Variants in SETD1B observed in about 807,000 individuals in gnomAD.
SETD1B encodes SET domain containing 1B, histone lysine methyltransferase.
A neutral mutation model predicts 148.0 loss-of-function variants in SETD1B; 7 were observed. The ratio of observed to expected loss-of-function variants is 0.05; its 90% confidence interval spans 0.03 to 0.09. SETD1B has a LOEUF of 0.09. SETD1B is among the 10% of genes least tolerant of loss of function. The probability of loss-of-function intolerance (pLI) is 1.00; values close to 1 mark genes in which losing one functional copy is unlikely to be tolerated. For synonymous variants in SETD1B, 1,361 were observed against 1,186.5 expected (o/e 1.15, Z -3.02); for missense variants, 2,155 against 2,729.9 (o/e 0.79, Z 4.69).
chr12:121,801,643 CAT>C (rs988438904), upstream of SETD1B: 4 of 152,582 alleles, frequency 2.6e-5, no homozygotes, highest in South Asian at 2.1e-4. Context: ...ATTGTAAAAA[CAT>C]ATATATTTTT....
Position 121,817,873 on chromosome 12 carries a change from G to T in SETD1B, c.3387G>T (p.Ala1129=). 1 of 1,550,744 alleles carries T rather than the reference G, an allele frequency of 6.4e-7. No individual in the cohort carries two copies. Among genetic ancestry groups the T allele is most frequent in the Non-Finnish European group, 8.7e-7 (1 of 1,146,558 alleles). The part of the protein sequence containing the change: ...NDDEDTALSE[A]SEKDEGDSDE... ...ACGAGGACACAGCCCTGTCAGAGGCGAGTGAGAAGGACGAAGGGGACTCGG... is the reference window on the plus strand; with the variant it reads ...ACGAGGACACAGCCCTGTCAGAGGCTAGTGAGAAGGACGAAGGGGACTCGG... Residue 1129 remains alanine, a synonymous_variant, in exon 10 of 17, where the codon GCG becomes GCT. Transcript: ENST00000604567. This position sits in a 1 kb window ranked among gnomAD's most constrained non-coding sequence, Gnocchi z 8.1.
chr12:121,810,525 A>G lies in SETD1B; in HGVS notation c.1580A>G (p.Gln527Arg), dbSNP rs1230358376. The change falls in exon 6 of 17, where the codon CAG becomes CGG. Residue 527 changes from glutamine (Q) to arginine (R), a missense_variant. Around this residue, in one of 11 missense-constraint regions of SETD1B, gnomAD observed 295 missense variants for 303.8 expected, o/e 0.97. Coordinates refer to ENST00000604567, the MANE Select transcript of SETD1B (RefSeq NM_001353345.2). This position sits in a 1 kb window ranked among gnomAD's most constrained non-coding sequence, Gnocchi z 7.6. ...GAGCCGGACTCGGACACCGAGCTGC[A>G]GATGGAGGGCAGCCCCATCTCCTCC... ...LREPDSDTEL[Q>R]MEGSPISSSS... 17 of 1,546,320 alleles carry G rather than the reference A, an allele frequency of 1.1e-5. No homozygotes were observed. The highest frequency in any genetic ancestry group is 1.4e-5 in the Non-Finnish European group (16 of 1,146,980).
In SETD1B at chr12:121,823,578, C is replaced by T; in HGVS notation, c.4999C>T (p.Pro1667Ser). 6.4e-7 allele frequency: 1 copy of T among 1,551,448 alleles called. No individual in the cohort carries two copies. The highest frequency in any genetic ancestry group is 8.7e-7 in the Non-Finnish European group (1 of 1,146,964). The stretch of plus-strand genomic sequence containing the variant: ...CTCGCCCGAACTCTCGCCACCCCAG[C>T]CCCTCTTCCGGCCCCGCTCGGAGTT... ...AGSPELSPPQ[P>S]LFRPRSEFEE... The change falls in exon 12 of 17, where the codon CCC (proline) becomes TCC (serine). Residue 1667 changes from proline to serine, a missense_variant. Transcript: ENST00000604567.
In SETD1B at chr12:121,809,928, A is replaced by G. The variant is rs1171824082; in HGVS notation, c.983A>G (p.His328Arg). Residue 328 changes from histidine (H) to arginine (R), a missense_variant, in exon 6 of 17, where the codon CAT becomes CGT. By Grantham distance (29) the His-to-Arg change is conservative. This residue lies in a region of SETD1B where 376 missense variants were observed against 385.0 expected (regional missense o/e 0.98). Transcript: ENST00000604567. ...GCCTACAACCGCCGCCACGAACATC[A>G]TTATGTACACAATTCTCCCGCGGTC... is the stretch of plus-strand genomic sequence containing the variant. ...TDAYNRRHEH[H>R]YVHNSPAVTA... The G allele has an allele frequency of 6.4e-7, 1 of 1,551,078 alleles. No homozygotes were observed. The highest frequency in any genetic ancestry group is 8.7e-7 in the Non-Finnish European group (1 of 1,146,952).
chr12:121,826,109 C>T (rs1024756358), intron 13 of SETD1B, among the ~76,000 whole-genome samples: 2 of 152,080 alleles, frequency 1.3e-5, no homozygotes, highest in African/African-American at 2.4e-5. Context: ...CGGGGTCTCA[C>T]TCTGTAGCCC....
intron 11 of SETD1B, among the ~76,000 whole-genome samples, chr12:121,820,734 C>T (rs957523490): frequency 6.6e-6 from 1 of 152,140 alleles, no homozygotes; most frequent in East Asian, 1.9e-4. Context: ...GGGGTTTCTC[C>T]GCGTTAGCCA....
intron 11 of SETD1B, 24 bp downstream of exon 11, chr12:121,819,919 G>C: frequency 6.5e-7 from 1 of 1,538,602 alleles, no homozygotes; most frequent in Non-Finnish European, 8.8e-7. Context: ...CCCCCTGGGA[G>C]GGTGGTGGGA....
At chr12:121,828,498 G>A (rs764434329) in intron 16 of SETD1B, among the ~76,000 whole-genome samples, 7 of 152,250 alleles carry the variant, frequency 4.6e-5, no homozygotes, top group Non-Finnish European at 8.8e-5. Flanking sequence ...GTGGTGGTGA[G>A]CACTGGAAAT....
At position 121,828,101 on chromosome 12, in the gene SETD1B, C is replaced by T. The variant is rs775163692; in HGVS notation, c.5727+31C>T. 15 of 1,548,278 alleles carry T rather than the reference C, an allele frequency of 9.7e-6. No homozygotes were observed. In the Admixed American group the frequency reaches 1.8e-4, roughly 18 times the overall value. ...TGCCCAGCGGGGGGTGGCCCCTGCC[C>T]CTGCTCCTGCCCCTGGCCCTGCTTC... is the stretch of plus-strand genomic sequence containing the variant. On this transcript the variant is annotated intron_variant, in intron 16 of 16. Transcript: ENST00000604567.
chr12:121,795,099 C>T, the SETD1B span, among the ~76,000 whole-genome samples: 1 of 152,170 alleles, frequency 6.6e-6, no homozygotes, highest in Non-Finnish European at 1.5e-5. Flanking sequence ...GGTCTGACCA[C>T]CAGAGGGCAG....
Position 121,822,571 on chromosome 12 carries a change from C to A in SETD1B, c.3992C>A (p.Pro1331His). 6.4e-7 allele frequency: 1 copy of A among 1,551,432 alleles called. No individual in the cohort carries two copies. The highest frequency in any genetic ancestry group is 8.7e-7 in the Non-Finnish European group (1 of 1,146,850). ...LQPPLPPPRP[P>H]RPPSPPPEPE... The stretch of plus-strand genomic sequence containing the variant: ...CCACCATTGCCGCCCCCACGACCAC[C>A]CCGGCCACCCAGCCCACCGCCGGAG... Residue 1331 changes from proline to histidine, a missense_variant, in exon 12 of 17, where the codon CCC (proline) becomes CAC (histidine). By Grantham distance (77) the Pro-to-His change is moderately conservative (BLOSUM62 -2). Coordinates refer to ENST00000604567, the MANE Select transcript of SETD1B (RefSeq NM_001353345.2).
intron 6 of SETD1B, among the ~76,000 whole-genome samples, chr12:121,811,078 TTC>T (rs1413957275): frequency 6.6e-6 from 1 of 152,206 alleles, no homozygotes; most frequent in East Asian, 1.9e-4. Flanking sequence ...CATGGCCTAG[TTC>T]TGATGCTCTC....
Position 121,814,795 on chromosome 12 carries a change from G to A in SETD1B, c.2580G>A (p.Thr860=), listed in dbSNP as rs1294118773. 18 of 1,551,446 alleles carry A rather than the reference G, an allele frequency of 1.2e-5. No homozygotes were observed. Among genetic ancestry groups the A allele is most frequent in the East Asian group, 7.3e-5 (3 of 40,920 alleles). Residue 860 remains threonine (T), a synonymous_variant, in exon 7 of 17, where the codon ACG becomes ACA. Coordinates refer to ENST00000604567, the MANE Select transcript of SETD1B (RefSeq NM_001353345.2). ...GCCAGGAGGACCCACACAAAGCCAC[G>A]GTGGATGGCGTCCTGCTGGTGGTCC... The part of the protein sequence containing the change: ...MPRQEDPHKA[T]VDGVLLVVLK...
intron 5 of SETD1B, 124 bp from the exon 6 acceptor site, chr12:121,809,479 C>A: frequency 1.9e-6 from 2 of 1,066,770 alleles, no homozygotes; most frequent in Non-Finnish European, 2.6e-6. Flanking sequence ...CACTTCCATT[C>A]CTTATGCTGC....
At chr12:121,793,622 G>A in the SETD1B span, 8 of 1,543,446 alleles carry the variant, frequency 5.2e-6, no homozygotes, top group African/African-American at 5.5e-5. Flanking sequence ...CCAGGGCCCC[G>A]GGGGCATCCA....
In SETD1B at chr12:121,809,733, T is replaced by C; in HGVS notation, c.788T>C (p.Leu263Pro). 6.4e-7 allele frequency: 1 copy of C among 1,551,560 alleles called. No homozygotes were observed. Among genetic ancestry groups the C allele is most frequent in the Non-Finnish European group, 8.7e-7 (1 of 1,146,976 alleles). Reference sequence around the variant, plus strand: ...GACACAGCTTATTCCAGCTGCCGCCTGGACACACCCAACTCCTATGGACAG... The same window carrying C: ...GACACAGCTTATTCCAGCTGCCGCCCGGACACACCCAACTCCTATGGACAG... ...SQDTAYSSCR[L>P]DTPNSYGQGT... is the part of the protein sequence containing the mutation. Residue 263 changes from leucine to proline, a missense_variant, in exon 6 of 17, where the codon CTG becomes CCG. Leu to Pro is a moderately conservative substitution (Grantham distance 98). This residue lies in a region of SETD1B where 376 missense variants were observed against 385.0 expected (regional missense o/e 0.98). Transcript: ENST00000604567.
At chr12:121,807,930 T>G (rs1592975261) in intron 4 of SETD1B, among the ~76,000 whole-genome samples, 1 of 150,918 alleles carries the variant, frequency 6.6e-6, no homozygotes, top group African/African-American at 2.4e-5. Context: ...GCGTCGCGGG[T>G]GGCACCTCTG....
Position 121,817,413 on chromosome 12 carries a change from T to C in SETD1B, c.3021T>C (p.Cys1007=), listed in dbSNP as rs555754128. The change falls in exon 9 of 17, where the codon TGT becomes TGC. Residue 1007 remains cysteine, a synonymous_variant. Transcript: ENST00000604567. This position sits in a 1 kb window ranked among gnomAD's most constrained non-coding sequence, Gnocchi z 8.1. ...ACCGGGATATGGCAGACACCCCCTG[T>C]GAGCTCGCCAAGCGGGACCCCAAGG... ...ERDRDMADTP[C]ELAKRDPKGV... 146 of 1,535,728 alleles carry C rather than the reference T, an allele frequency of 9.5e-5. No individual in the cohort carries two copies. In the East Asian group the frequency reaches 2.2e-3, roughly 23 times the overall value.
At chr12:121,794,662 G>A in the SETD1B span, among the ~76,000 whole-genome samples, 1 of 152,160 alleles carries the variant, frequency 6.6e-6, no homozygotes, top group Non-Finnish European at 1.5e-5. Flanking sequence ...ACTGTAGGCA[G>A]TGCTATCAGG....
Sources: gnomAD v4.1 joint callset for allele counts (sites outside exome capture counted in the v4.1 genomes callset) on GRCh38, gnomAD v4.1.1 for gene constraint, gnomAD v4.1.1 regional missense constraint, Gnocchi (gnomAD v3.1) non-coding constraint, MANE v1.5 for transcripts, NCBI Gene and HGNC (gene_info 2026-07-23, HGNC 2026-07-21) for gene names.